KCNB2: variants seen among roughly 807,000 people sequenced by gnomAD.
KCNB2 encodes delayed rectifier potassium channel protein.
Under a neutral mutation model 61.5 loss-of-function variants are expected in KCNB2, and 15 were observed. That is an observed-to-expected ratio of 0.24 (90% CI 0.16 to 0.38). KCNB2 has a LOEUF of 0.38. Among genes scored for constraint, KCNB2 ranks in the 10% least tolerant of loss-of-function variants. The pLI, the probability that KCNB2 is intolerant of heterozygous loss-of-function variation, is 1.00. For missense variants in KCNB2, 828 were observed against 1,125.2 expected (o/e 0.74, Z 3.78); for synonymous variants, 457 against 446.0 (o/e 1.02, Z -0.31).
At chr8:72,788,633 AT>A (rs1354928417) in intron 2 of KCNB2, among the ~76,000 whole-genome samples, 2 of 152,140 alleles carry the variant, frequency 1.3e-5, no homozygotes, top group East Asian at 3.9e-4. Context: ...GTCATGAAGG[AT>A]GAACTCCAAA....
chr8:72,803,790 C>T lies in KCNB2; in HGVS notation c.580-132145C>T, dbSNP rs550110549. 4.3e-4 allele frequency among the ~76,000 whole-genome samples: 65 copies of T among 152,130 alleles called. 1 individual carries two copies. The highest frequency in any genetic ancestry group is 7.6e-4 in the Non-Finnish European group (52 of 68,030). Reference sequence around the variant, plus strand: ...GGCAGAGAGAAGCCAGAAGCATGAACGAGGGTTACAAACTGTGCTTCTTCT... The same window carrying T: ...GGCAGAGAGAAGCCAGAAGCATGAATGAGGGTTACAAACTGTGCTTCTTCT... On this transcript the variant is annotated intron_variant, in intron 2 of 2. Transcript: ENST00000523207.
At chr8:72,849,407 T>C (rs901206525) in intron 2 of KCNB2, among the ~76,000 whole-genome samples, 1 of 152,152 alleles carries the variant, frequency 6.6e-6, no homozygotes, top group African/African-American at 2.4e-5. Context: ...CACCCTATAG[T>C]GTAAAGAACA....
At chr8:72,857,638 G>C (rs977030068) in intron 2 of KCNB2, among the ~76,000 whole-genome samples, 1 of 152,018 alleles carries the variant, frequency 6.6e-6, no homozygotes, top group African/African-American at 2.4e-5. Context: ...AAGCAATGGG[G>C]CAAGGTGGCA....
At position 72,931,844 on chromosome 8, in the gene KCNB2, C is replaced by T. The variant is rs138009894; in HGVS notation, c.580-4091C>T. 3.2e-3 allele frequency among the ~76,000 whole-genome samples: 484 copies of T among 152,188 alleles called. 2 individuals carry two copies. Among genetic ancestry groups the T allele is most frequent in the African/African-American group, 0.011 (450 of 41,508 alleles). On this transcript the variant is annotated intron_variant, in intron 2 of 2. Transcript: ENST00000523207. Reference sequence around the variant, plus strand: ...CCTGGCCAACGTGGTGAAACGCTGTCGCTACTAAAAATACAAAAATTAGCT... The same window carrying T: ...CCTGGCCAACGTGGTGAAACGCTGTTGCTACTAAAAATACAAAAATTAGCT...
At chr8:72,614,811 G>C (rs550985394) in intron 2 of KCNB2, among the ~76,000 whole-genome samples, 1 of 152,134 alleles carries the variant, frequency 6.6e-6, no homozygotes, top group Non-Finnish European at 1.5e-5. Context: ...GAAAAGTTTA[G>C]AGGAGACATG....
chr8:72,622,642 T>A (rs1313576217), intron 2 of KCNB2, among the ~76,000 whole-genome samples: 2 of 152,224 alleles, frequency 1.3e-5, no homozygotes, highest in Non-Finnish European at 1.5e-5. Flanking sequence ...TAAACTCTAC[T>A]GTGCACCTTC....
Position 72,633,201 on chromosome 8 carries a change from G to A in KCNB2, c.579+64888G>A, listed in dbSNP as rs564706268. ...AATCTGAAGGAGGGCGGTGGTCCCT[G>A]CTTCCTGGCTGGCAGTGGGTGGGAG... On this transcript the variant is annotated intron_variant, in intron 2 of 2. Transcript: ENST00000523207. Among the ~76,000 whole-genome samples the A allele has an allele frequency of 3.9e-4, 60 of 152,238 alleles. No individual in the cohort carries two copies. The Middle Eastern group carries it at 0.01, about 26-fold the overall frequency.
At chr8:72,669,865 C>T (rs1225187450) in intron 2 of KCNB2, among the ~76,000 whole-genome samples, 1 of 152,256 alleles carries the variant, frequency 6.6e-6, no homozygotes, top group East Asian at 1.9e-4. Context: ...ATATATTTTA[C>T]GGTCTAGCTG....
intron 2 of KCNB2, among the ~76,000 whole-genome samples, chr8:72,910,581 A>G (rs909882303): frequency 1.6e-4 from 24 of 152,174 alleles, no homozygotes; most frequent in Admixed American, 1.6e-3. Flanking sequence ...AAGAAACTCT[A>G]CTGGAAGTGG....
At chr8:72,620,567 T>G (rs1391936505) in intron 2 of KCNB2, among the ~76,000 whole-genome samples, 1 of 152,200 alleles carries the variant, frequency 6.6e-6, no homozygotes, top group East Asian at 1.9e-4. Context: ...GCAACATTGT[T>G]GTCCAAAGTT....
chr8:72,663,102 G>A (rs1348545142), intron 2 of KCNB2, among the ~76,000 whole-genome samples: 3 of 152,060 alleles, frequency 2.0e-5, no homozygotes, highest in African/African-American at 7.2e-5. Context: ...TTGCTTTACC[G>A]GGGTTAGCTC....
At chr8:72,716,387 G>C (rs1412101812) in intron 2 of KCNB2, among the ~76,000 whole-genome samples, 1 of 152,124 alleles carries the variant, frequency 6.6e-6, no homozygotes, top group Non-Finnish European at 1.5e-5. Flanking sequence ...CAATATCTTT[G>C]ATGAACATTG....
rs1426731687 is a variant in KCNB2, at chr8:72,740,079, A to G, written c.579+171766A>G. 3.3e-5 allele frequency among the ~76,000 whole-genome samples: 5 copies of G among 152,212 alleles called. No homozygotes were observed. The East Asian group carries it at 9.6e-4, about 29-fold the overall frequency. ...CAGAGTCTGTCTGTTAAGAAAAAAA[A>G]TACTTCCTTGTGAACGTATGTGTTG... On this transcript the variant is annotated intron_variant, in intron 2 of 2. Transcript: ENST00000523207.
intron 2 of KCNB2, among the ~76,000 whole-genome samples, chr8:72,639,103 T>TA (rs908697460): frequency 1.8e-4 from 28 of 152,286 alleles, no homozygotes; most frequent in African/African-American, 5.5e-4. Flanking sequence ...CAATTTCAGA[T>TA]ACTTCTATGG....
At chr8:72,742,823 T>G (rs1479659784) in intron 2 of KCNB2, among the ~76,000 whole-genome samples, 1 of 152,206 alleles carries the variant, frequency 6.6e-6, no homozygotes, top group Non-Finnish European at 1.5e-5. Flanking sequence ...GCCTATGACT[T>G]TACCCATGAC....
In KCNB2 at chr8:72,892,238, G is replaced by A. The variant is rs369438841; in HGVS notation, c.580-43697G>A. 9.3e-4 allele frequency among the ~76,000 whole-genome samples: 142 copies of A among 152,164 alleles called. 4 individuals are homozygous for A. In the South Asian group the frequency reaches 0.028, roughly 30 times the overall value. On this transcript the variant is annotated intron_variant, in intron 2 of 2. Transcript: ENST00000523207. ...TGGGCTCTCACTATTTGATTCCTGA[G>A]GGGTAGTGATCTCACTACCCATGTA...
intron 2 of KCNB2, among the ~76,000 whole-genome samples, chr8:72,931,438 T>C (rs1055677826): frequency 2.0e-5 from 3 of 152,220 alleles, no homozygotes; most frequent in African/African-American, 7.2e-5. Context: ...GAGCATGGAA[T>C]GTTCTTCCAT....
At chr8:72,654,129 G>A (rs546047590) in intron 2 of KCNB2, among the ~76,000 whole-genome samples, 1 of 152,166 alleles carries the variant, frequency 6.6e-6, no homozygotes, top group East Asian at 1.9e-4. Flanking sequence ...ATAAAATGAG[G>A]TCACCCAACT....
At chr8:72,815,884 G>A (rs1366371743) in intron 2 of KCNB2, among the ~76,000 whole-genome samples, 1 of 152,038 alleles carries the variant, frequency 6.6e-6, no homozygotes, top group Non-Finnish European at 1.5e-5. Flanking sequence ...AAGCTTGTGA[G>A]AACTACATGA....
Sources: gnomAD v4.1 joint callset for allele counts (sites outside exome capture counted in the v4.1 genomes callset) on GRCh38, gnomAD v4.1.1 for gene constraint, MANE v1.5 for transcripts, NCBI Gene and HGNC (gene_info 2026-07-23, HGNC 2026-07-21) for gene names.